AKAP13: variants seen among roughly 807,000 people sequenced by gnomAD.
AKAP13 encodes the protein A-kinase anchor protein 13.
In AKAP13, 80 loss-of-function variants were observed where a neutral mutation model predicts 264.5. The ratio of observed to expected loss-of-function variants is 0.30; its 90% CI spans 0.25 to 0.36. The LOEUF (loss-of-function observed/expected upper bound fraction) is 0.36. Among genes scored for constraint, AKAP13 ranks in the 10% least tolerant of loss-of-function variants. AKAP13 has a pLI of 1.00. For synonymous variants in AKAP13, 1,380 were observed against 1,250.2 expected (o/e 1.10, Z -2.19); for missense variants, 3,712 against 3,435.2 (o/e 1.08, Z -2.01).
chr15:85,633,055 A>G (rs780942590), intron 8 of AKAP13, among the ~76,000 whole-genome samples: 2 of 151,800 alleles, frequency 1.3e-5, no homozygotes, highest in East Asian at 3.9e-4. Context: ...TTCAGTAGAG[A>G]CAGGGTTTCA....
At chr15:85,588,863 G>T (rs900502633) in intron 8 of AKAP13, among the ~76,000 whole-genome samples, 5 of 152,182 alleles carry the variant, frequency 3.3e-5, no homozygotes, top group African/African-American at 1.2e-4. Context: ...AGAAACCTGG[G>T]CTCTGATTGG....
intron 1 of AKAP13, among the ~76,000 whole-genome samples, chr15:85,410,378 C>T (rs970384907): frequency 6.6e-6 from 1 of 151,608 alleles, no homozygotes; most frequent in Non-Finnish European, 1.5e-5. Context: ...CAAAATAGGT[C>T]TTCTGCTTCA....
At chr15:85,733,598 G>GTTGGC (rs946011167) in intron 30 of AKAP13, among the ~76,000 whole-genome samples, 1 of 152,104 alleles carries the variant, frequency 6.6e-6, no homozygotes, top group Non-Finnish European at 1.5e-5. Context: ...TTATCCTTAT[G>GTTGGC]TTGGACCTTC....
intron 17 of AKAP13, among the ~76,000 whole-genome samples, chr15:85,707,222 C>T (rs1415575951): frequency 6.6e-6 from 1 of 152,166 alleles, no homozygotes; most frequent in African/African-American, 2.4e-5. Context: ...GACTTTATAG[C>T]AGCGCTGAGA....
At chr15:85,678,425 G>T (rs367613498) in intron 14 of AKAP13, among the ~76,000 whole-genome samples, 6 of 152,250 alleles carry the variant, frequency 3.9e-5, no homozygotes, top group African/African-American at 1.4e-4. Context: ...GCCTTATTAA[G>T]GATTTGGTAT....
At chr15:85,523,058 C>T (rs975624070) in intron 3 of AKAP13, among the ~76,000 whole-genome samples, 1 of 151,792 alleles carries the variant, frequency 6.6e-6, no homozygotes, top group Admixed American at 6.6e-5. Flanking sequence ...CTTGAAAGAC[C>T]TTTTTTTACT....
In AKAP13 at chr15:85,743,483, T is replaced by C. The variant is rs781015339; in HGVS notation, c.8059-9T>C. On this transcript the variant is annotated splice_polypyrimidine_tract_variant and intron_variant, in intron 35 of 36. Transcript: ENST00000394518. ...TCCAAGTGAAAACCCTTCTCTTGAA[T>C]ATGTACAGGTTTCCCATCCACATAC... 1.9e-6 allele frequency: 3 copies of C among 1,609,374 alleles called. No individual in the cohort carries two copies. The highest frequency in any genetic ancestry group is 2.5e-6 in the Non-Finnish European group (3 of 1,176,850).
intron 14 of AKAP13, among the ~76,000 whole-genome samples, chr15:85,679,425 T>C (rs981106499): frequency 1.3e-5 from 2 of 152,210 alleles, no homozygotes; most frequent in Admixed American, 6.5e-5. Context: ...GTAAGAATTA[T>C]GTGTGGGCAG....
chr15:85,594,982 T>C (rs1166358339), intron 8 of AKAP13, among the ~76,000 whole-genome samples: 5 of 152,246 alleles, frequency 3.3e-5, no homozygotes. Context: ...CCTAGGCTGC[T>C]CAATTTTGTG....
chr15:85,658,781 A>T (rs930138203), intron 12 of AKAP13, among the ~76,000 whole-genome samples, 191 bp downstream of exon 12: 6 of 151,958 alleles, frequency 3.9e-5, no homozygotes, highest in African/African-American at 1.2e-4. Flanking sequence ...CTTTAATTTG[A>T]AGTTTTATGC....
chr15:85,670,795 G>C (rs938969376), intron 14 of AKAP13: 1 of 152,062 alleles, frequency 6.6e-6, no homozygotes, highest in African/African-American at 2.4e-5. Flanking sequence ...GCATCTGAAA[G>C]GGGTTAGTGG....
In AKAP13 at chr15:85,743,501, C is replaced by T. The variant is rs1162710836; in HGVS notation, c.8068C>T (p.Pro2690Ser). 3.1e-6 allele frequency: 5 copies of T among 1,613,496 alleles called. No individual in the cohort carries two copies. Among genetic ancestry groups the T allele is most frequent in the Non-Finnish European group, 4.2e-6 (5 of 1,179,642 alleles). ...TCTTGAATATGTACAGGTTTCCCAT[C>T]CACATACCAAGCTGATGAGGATCCC... ...TERDLCQVSH[P>S]HTKLMRIPSF... is the part of the protein sequence containing the mutation. The change falls in exon 36 of 37, where the codon CCA (proline) becomes TCA (serine). Residue 2690 changes from proline to serine, a missense_variant. Pro to Ser is a moderately conservative substitution (Grantham distance 74, BLOSUM62 -1). Coordinates refer to ENST00000394518, the MANE Select transcript of AKAP13 (RefSeq NM_007200.5).
intron 19 of AKAP13, among the ~76,000 whole-genome samples, chr15:85,713,526 G>A (rs917180276): frequency 1.7e-5 from 2 of 119,610 alleles, no homozygotes; most frequent in Non-Finnish European, 3.2e-5. Context: ...TAACTCTTAA[G>A]CTCATTCTCT....
At chr15:85,471,448 T>C (rs1358135118) in intron 1 of AKAP13, among the ~76,000 whole-genome samples, 1 of 152,180 alleles carries the variant, frequency 6.6e-6, no homozygotes, top group Admixed American at 6.5e-5. Flanking sequence ...TGAGCTGAGA[T>C]GGTGCCACTA....
At chr15:85,434,666 G>C (rs992028118) in intron 1 of AKAP13, among the ~76,000 whole-genome samples, 9 of 152,132 alleles carry the variant, frequency 5.9e-5, no homozygotes, top group African/African-American at 1.7e-4. Flanking sequence ...CCTGACCCCT[G>C]ACCCCCGAGC....
chr15:85,740,745 CCACCCACACAGACACACACACA>C (rs2088898616), intron 34 of AKAP13, among the ~76,000 whole-genome samples: 1 of 130,368 alleles, frequency 7.7e-6, no homozygotes, highest in African/African-American at 3.0e-5. Context: ...CACAACCCAC[CCACCCACACAGACACACACACA>C]CACAACCACC....
chr15:85,687,819 A>C (rs1039921643), intron 16 of AKAP13, among the ~76,000 whole-genome samples: 1 of 152,118 alleles, frequency 6.6e-6, no homozygotes, highest in Non-Finnish European at 1.5e-5. Context: ...TGAGAAGATC[A>C]CTTGAGACCA....
chr15:85,547,476 A>G (rs1343794508), intron 5 of AKAP13, among the ~76,000 whole-genome samples: 1 of 150,118 alleles, frequency 6.7e-6, no homozygotes, highest in Admixed American at 6.6e-5. Context: ...GGATTCTCTA[A>G]GACCTATCCC....
At position 85,734,907 on chromosome 15, in the gene AKAP13, C is replaced by G. The variant is rs1044411349; in HGVS notation, c.7283-85C>G. ...CTCTTTGGAACTTTCAAGTCGTGCTCTTTGTACGTATCATATATACTATGA... is the reference window on the plus strand; with the variant it reads ...CTCTTTGGAACTTTCAAGTCGTGCTGTTTGTACGTATCATATATACTATGA... On this transcript the variant is annotated intron_variant, in intron 30 of 36. Coordinates refer to ENST00000394518, the MANE Select transcript of AKAP13 (RefSeq NM_007200.5). 5.9e-5 allele frequency: 90 copies of G among 1,520,414 alleles called. 1 individual carries two copies. In the East Asian group the frequency reaches 2.1e-3, roughly 35 times the overall value. The allele number at this position is 1,520,414 out of a possible 1,614,324, so 94.2% of individuals were successfully genotyped here. A position where few individuals can be genotyped will look rare whatever the true frequency, so the allele number is the denominator to read the frequency against.
Sources: allele counts gnomAD v4.1 joint callset (sites outside exome capture counted in the v4.1 genomes callset), GRCh38; gene constraint gnomAD v4.1.1; transcripts MANE v1.5; gene names NCBI Gene and HGNC (gene_info 2026-07-23, HGNC 2026-07-21).